The following DIAPH3 variants were observed in gnomAD, a reference collection of about 807,000 sequenced individuals.
The protein encoded by DIAPH3 is diaphanous related formin 3.
Under a neutral mutation model 144.3 loss-of-function variants are expected in DIAPH3, and 117 were observed. That is an observed-to-expected ratio of 0.81 (90% CI 0.70 to 0.95). The LOEUF (loss-of-function observed/expected upper bound fraction) is 0.95, where lower values mean the gene tolerates loss of function less well. DIAPH3 is among the 40% of genes least tolerant of loss of function. The probability of loss-of-function intolerance (pLI) is 0.00; values close to 1 mark genes in which losing one functional copy is unlikely to be tolerated. For synonymous variants in DIAPH3, 519 were observed against 488.9 expected (o/e 1.06, Z -0.81); for missense variants, 1,421 against 1,412.7 (o/e 1.01, Z -0.09).
intron 27 of DIAPH3, among the ~76,000 whole-genome samples, chr13:59,751,925 T>C (rs2037028791): frequency 6.6e-6 from 1 of 152,184 alleles, no homozygotes. Context: ...ATGTAAAACA[T>C]TCTATGGATC....
chr13:60,014,713 CT>C (rs2053511437), intron 7 of DIAPH3, among the ~76,000 whole-genome samples: 1 of 152,022 alleles, frequency 6.6e-6, no homozygotes, highest in African/African-American at 2.4e-5. Context: ...TATACAGATG[CT>C]TTTGCTATAA....
intron 27 of DIAPH3, among the ~76,000 whole-genome samples, chr13:59,757,375 A>AGTTATTATG (rs1454178912): frequency 1.4e-5 from 2 of 145,310 alleles, no homozygotes; most frequent in African/African-American, 2.5e-5. Context: ...TAGGAAAGCT[A>AGTTATTATG]GTTATTATGG....
chr13:60,072,514 G>C (rs192458939), intron 4 of DIAPH3, among the ~76,000 whole-genome samples: 2 of 152,074 alleles, frequency 1.3e-5, no homozygotes, highest in African/African-American at 2.4e-5. Flanking sequence ...TTCTCTATCA[G>C]ACTTAAACTT....
intron 17 of DIAPH3, among the ~76,000 whole-genome samples, chr13:59,948,626 C>T (rs1485422131): frequency 1.3e-5 from 2 of 151,852 alleles, no homozygotes; most frequent in East Asian, 1.9e-4. Context: ...TGTGTTTTTT[C>T]GTATATATGT....
chr13:59,799,546 C>G (rs17665849), intron 25 of DIAPH3, among the ~76,000 whole-genome samples: 6,699 of 152,152 alleles, frequency 0.044, 165 homozygotes, highest in African/African-American at 0.055. Flanking sequence ...TATGAAATTC[C>G]CCGTTTGTTA....
intron 5 of DIAPH3, among the ~76,000 whole-genome samples, chr13:60,040,561 G>GT (rs1394175511): frequency 6.6e-6 from 1 of 151,964 alleles, no homozygotes; most frequent in Non-Finnish European, 1.5e-5. Flanking sequence ...GTTTTCTTTT[G>GT]TTAGCACAGA....
At chr13:59,762,092 C>T (rs898900001) in intron 27 of DIAPH3, among the ~76,000 whole-genome samples, 1 of 101,490 alleles carries the variant, frequency 9.9e-6, no homozygotes, top group Non-Finnish European at 1.9e-5. Flanking sequence ...GACAGTCTTG[C>T]TCTGTTGCCA....
At chr13:59,922,335 C>G (rs977675039) in intron 18 of DIAPH3, among the ~76,000 whole-genome samples, 3 of 152,022 alleles carry the variant, frequency 2.0e-5, no homozygotes, top group Admixed American at 6.6e-5. Flanking sequence ...TCTCTTGATC[C>G]TAGTGTCTGG....
In DIAPH3 at chr13:59,666,666, T is replaced by C; in HGVS notation, c.3500A>G (p.Glu1167Gly). The change falls in exon 28 of 28, where the codon GAA (glutamate) becomes GGA (glycine). Residue 1167 changes from glutamate to glycine, a missense_variant. Coordinates refer to ENST00000400324, the MANE Select transcript of DIAPH3 (RefSeq NM_001042517.2). ...ACNVESNRKK[E>G]TELLGSFSKN... ...AGAAAAAGAGCCAAGAAGTTCCGTT[T>C]CCTTTTTTCTGTTGCTTTCTACATT... The C allele has an allele frequency of 6.2e-7, 1 of 1,614,162 alleles. No individual in the cohort carries two copies. Among genetic ancestry groups the C allele is most frequent in the Non-Finnish European group, 8.5e-7 (1 of 1,180,010 alleles).
At chr13:59,876,527 T>G (rs1184828563) in intron 21 of DIAPH3, among the ~76,000 whole-genome samples, 1 of 152,248 alleles carries the variant, frequency 6.6e-6, no homozygotes, top group East Asian at 1.9e-4. Context: ...AATGAGAGGA[T>G]GTCTATTTAT....
chr13:60,153,043 G>A (rs1280644789), intron 1 of DIAPH3, among the ~76,000 whole-genome samples: 1 of 152,026 alleles, frequency 6.6e-6, no homozygotes, highest in African/African-American at 2.4e-5. Flanking sequence ...TGGACATTGT[G>A]AATGACCCAC....
chr13:59,759,375 T>A (rs1173163151), intron 27 of DIAPH3, among the ~76,000 whole-genome samples: 1 of 152,060 alleles, frequency 6.6e-6, no homozygotes, highest in Non-Finnish European at 1.5e-5. Flanking sequence ...ACTTAAAAAA[T>A]TATTCTCAGA....
intron 2 of DIAPH3, among the ~76,000 whole-genome samples, chr13:60,127,056 G>A (rs144225261): frequency 3.3e-5 from 5 of 151,972 alleles, no homozygotes; most frequent in African/African-American, 9.6e-5. Context: ...GAAAACAAAA[G>A]CTAGTTTTTC....
At chr13:60,052,377 A>G (rs1024230484) in intron 4 of DIAPH3, among the ~76,000 whole-genome samples, 2 of 152,218 alleles carry the variant, frequency 1.3e-5, no homozygotes, top group Admixed American at 6.5e-5. Context: ...GTGAAAAAAC[A>G]AAGTTCACTA....
intron 25 of DIAPH3, among the ~76,000 whole-genome samples, chr13:59,802,566 G>GT (rs55975131): frequency 0.63 from 85,359 of 135,118 alleles, 26,371 homozygotes; most frequent in East Asian, 0.7. Context: ...ACAAGGAAAA[G>GT]TTTTTTTTTT....
intron 9 of DIAPH3, among the ~76,000 whole-genome samples, chr13:59,995,722 A>G (rs73212290): frequency 6.6e-6 from 1 of 152,092 alleles, no homozygotes; most frequent in Non-Finnish European, 1.5e-5. Context: ...TTGGGAAGAG[A>G]GAGGAAATCA....
intron 4 of DIAPH3, among the ~76,000 whole-genome samples, chr13:60,083,436 T>C (rs2057632636): frequency 1.3e-5 from 2 of 151,896 alleles, no homozygotes; most frequent in South Asian, 2.1e-4. Flanking sequence ...TAGATATTAA[T>C]GAAAGAATAT....
intron 4 of DIAPH3, among the ~76,000 whole-genome samples, chr13:60,064,597 G>A (rs764981428): frequency 1.3e-5 from 2 of 152,184 alleles, no homozygotes; most frequent in Non-Finnish European, 2.9e-5. Flanking sequence ...AATAGGCTCT[G>A]GATTAAGAGA....
intron 17 of DIAPH3, among the ~76,000 whole-genome samples, chr13:59,950,787 T>A (rs1594100787): frequency 6.6e-6 from 1 of 152,078 alleles, no homozygotes; most frequent in Non-Finnish European, 1.5e-5. Context: ...TCAGTCAAGA[T>A]ATGAAGGCTA....
Sources: gnomAD v4.1 joint callset for allele counts (sites outside exome capture counted in the v4.1 genomes callset) on GRCh38, gnomAD v4.1.1 for gene constraint, MANE v1.5 for transcripts, NCBI Gene and HGNC (gene_info 2026-07-23, HGNC 2026-07-21) for gene names.